The following PRKCH variants were observed in gnomAD, a reference collection of about 807,000 sequenced individuals.
PRKCH encodes protein kinase C eta type.
Under a neutral mutation model 82.5 loss-of-function variants are expected in PRKCH, and 28 were observed. The ratio of observed to expected loss-of-function variants is 0.34; its 90% CI spans 0.25 to 0.47. The LOEUF is 0.47. Among genes scored for constraint, PRKCH ranks in the 20% least tolerant of loss-of-function variants. The pLI is 1.00. For missense variants in PRKCH, 705 were observed against 881.8 expected (o/e 0.80, Z 2.54); for synonymous variants, 322 against 327.4 (o/e 0.98, Z 0.18).
rs138096958 is a variant in PRKCH, at chr14:61,198,904, G to C, written c.-19+11236G>C. ...CCCATGAGATCCTCAGGCTGGGGAG[G>C]GTGTTTTATTGACTGAGCCTGTGTC... On this transcript the variant is annotated intron_variant, in intron 1 of 3. Transcript: ENST00000555185. Among the ~76,000 whole-genome samples, 796 of 152,258 alleles carry C rather than the reference G, an allele frequency of 5.2e-3. 3 individuals carry two copies. The highest frequency in any genetic ancestry group is 0.018 in the African/African-American group (758 of 41,534).
At chr14:61,299,474 T>C (rs988320963) in intron 1 of PRKCH, among the ~76,000 whole-genome samples, 3 of 67,774 alleles carry the variant, frequency 4.4e-5, no homozygotes, top group Non-Finnish European at 1.5e-4. Context: ...ATCACAACTT[T>C]CAGGTTTTTT....
chr14:61,488,138 C>T (rs1187231555), intron 10 of PRKCH, among the ~76,000 whole-genome samples: 49 of 141,012 alleles, frequency 3.5e-4, no homozygotes, highest in Middle Eastern at 3.2e-3. Context: ...TGGGCGACAG[C>T]GAGACTCCGT....
intron 12 of PRKCH, among the ~76,000 whole-genome samples, chr14:61,537,030 G>A (rs1309114538): frequency 6.6e-6 from 1 of 152,170 alleles, no homozygotes; most frequent in East Asian, 1.9e-4. Context: ...TTAGTTTTTA[G>A]CCCAGGATTT....
intron 1 of PRKCH, among the ~76,000 whole-genome samples, chr14:61,323,371 G>T (rs2045656198): frequency 6.6e-6 from 1 of 152,182 alleles, no homozygotes; most frequent in Non-Finnish European, 1.5e-5. Flanking sequence ...TGTGATGCAG[G>T]TGTCATCGTT....
intron 1 of PRKCH, among the ~76,000 whole-genome samples, chr14:61,313,964 A>C (rs886777394): frequency 6.6e-6 from 1 of 152,180 alleles, no homozygotes; most frequent in African/African-American, 2.4e-5. Flanking sequence ...GACCATAGGC[A>C]TGTGCCACCA....
intron 1 of PRKCH, among the ~76,000 whole-genome samples, chr14:61,347,067 T>A (rs149178194): frequency 1.6e-3 from 238 of 152,198 alleles, no homozygotes; most frequent in Admixed American, 3.9e-3. Flanking sequence ...TTTCTTTGAG[T>A]CCCTTTGAAA....
chr14:61,214,666 C>T (rs1444942126), intron 1 of PRKCH, among the ~76,000 whole-genome samples: 1 of 152,086 alleles, frequency 6.6e-6, no homozygotes. Context: ...CAACCTCACC[C>T]TTCCCCATCT....
chr14:61,499,999 GTCGC>G (rs1886831750), intron 10 of PRKCH, among the ~76,000 whole-genome samples: 1 of 151,114 alleles, frequency 6.6e-6, no homozygotes, highest in African/African-American at 2.4e-5. Context: ...TAGCCTGATA[GTCGC>G]TCGTTCTGGC....
chr14:61,187,502 C>A (rs150267407), upstream of PRKCH: 17 of 152,390 alleles, frequency 1.1e-4, no homozygotes, highest in African/African-American at 3.9e-4. Flanking sequence ...CAGTGGGTAT[C>A]AGAGCTCAGG....
At chr14:61,435,132 G>A (rs1351157238) in intron 2 of PRKCH, among the ~76,000 whole-genome samples, 10 of 152,130 alleles carry the variant, frequency 6.6e-5, no homozygotes, top group African/African-American at 1.4e-4. Context: ...TGAAATTCCC[G>A]ACAGGAATCG....
chr14:61,504,062 G>A (rs1239710318), intron 10 of PRKCH, among the ~76,000 whole-genome samples: 2 of 152,132 alleles, frequency 1.3e-5, no homozygotes, highest in African/African-American at 4.8e-5. Context: ...AACTTTGAAT[G>A]AGCTTAGATT....
intron 12 of PRKCH, chr14:61,543,855 A>G (rs893604552): frequency 1.3e-5 from 2 of 152,254 alleles, no homozygotes; most frequent in Admixed American, 6.5e-5. Flanking sequence ...TAGGATGGCA[A>G]GCTATCCACC....
intron 2 of PRKCH, among the ~76,000 whole-genome samples, chr14:61,392,930 C>T (rs1311986690): frequency 6.6e-6 from 1 of 151,372 alleles, no homozygotes; most frequent in Non-Finnish European, 1.5e-5. Flanking sequence ...TGTGATGTTA[C>T]AGAGGAGTTG....
intron 10 of PRKCH, among the ~76,000 whole-genome samples, chr14:61,489,763 C>T (rs1886380716): frequency 6.6e-6 from 1 of 152,182 alleles, no homozygotes; most frequent in Non-Finnish European, 1.5e-5. Context: ...ATGGTGTTGA[C>T]TTTTTTCCGG....
At chr14:61,306,003 T>TA (rs1412565797) in intron 1 of PRKCH, 2 of 152,246 alleles carry the variant, frequency 1.3e-5, no homozygotes, top group Non-Finnish European at 2.9e-5. Flanking sequence ...ATTAAACTAC[T>TA]AAAAAATCCT....
At chr14:61,224,382 C>T (rs1959671) in intron 1 of PRKCH, among the ~76,000 whole-genome samples, 110,201 of 151,966 alleles carry the variant, frequency 0.73, 43,289 homozygotes, top group Non-Finnish European at 0.89. Flanking sequence ...ATTAACTCTG[C>T]GCTTTATTCA....
chr14:61,547,408 T>C (rs1594804124), intron 12 of PRKCH, among the ~76,000 whole-genome samples: 1 of 152,098 alleles, frequency 6.6e-6, no homozygotes, highest in African/African-American at 2.4e-5. Context: ...AACTGCAGTG[T>C]TGGGGAAAGG....
chr14:61,480,172 TATGCACAGGTTTAA>T (rs1425349225), intron 9 of PRKCH, among the ~76,000 whole-genome samples: 4 of 152,232 alleles, frequency 2.6e-5, no homozygotes, highest in Non-Finnish European at 1.5e-5. Context: ...AAAATGGTTC[TATGCACAGGTTTAA>T]ATACAGAAAC....
At chr14:61,377,439 T>TA (rs2046441265) in intron 1 of PRKCH, among the ~76,000 whole-genome samples, 1 of 152,244 alleles carries the variant, frequency 6.6e-6, no homozygotes, top group Admixed American at 6.5e-5. Context: ...AGTACTTTTG[T>TA]GTCCAAATTT....
Sources: allele counts gnomAD v4.1 joint callset (sites outside exome capture counted in the v4.1 genomes callset), GRCh38; gene constraint gnomAD v4.1.1; transcripts MANE v1.5; gene names NCBI Gene and HGNC (gene_info 2026-07-23, HGNC 2026-07-21).